DLG2: variants seen among roughly 807,000 people sequenced by gnomAD.
The protein encoded by DLG2 is discs large MAGUK scaffold protein 2, also known as disks large homolog 2.
In DLG2, 45 loss-of-function variants were observed where a neutral mutation model predicts 132.5. The ratio of observed to expected loss-of-function variants is 0.34; its 90% CI spans 0.27 to 0.44. The LOEUF (loss-of-function observed/expected upper bound fraction) is 0.44, where lower values mean the gene tolerates loss of function less well. Ranked by LOEUF, DLG2 falls within the 20% of genes least tolerant of loss-of-function variation. The pLI is 1.00. For missense variants in DLG2, 1,045 were observed against 1,196.9 expected (o/e 0.87, Z 1.87); for synonymous variants, 424 against 419.6 (o/e 1.01, Z -0.13).
Position 85,605,561 on chromosome 11 carries a change from A to G in DLG2, c.-92-6773T>C, listed in dbSNP as rs149476191. 1.6e-4 allele frequency among the ~76,000 whole-genome samples: 24 copies of G among 152,362 alleles called. No individual in the cohort carries two copies. The East Asian group carries it at 3.1e-3, about 20-fold the overall frequency. On this transcript the variant is annotated intron_variant, in intron 2 of 27. Transcript: ENST00000376104. Reference sequence around the variant, plus strand: ...ATTTATTGACTATCTTACTATATCCAGACACTGGGAACACAGTACTGAACA... The same window carrying G: ...ATTTATTGACTATCTTACTATATCCGGACACTGGGAACACAGTACTGAACA...
intron 4 of DLG2, among the ~76,000 whole-genome samples, chr11:85,164,208 T>C (rs1386609238): frequency 1.3e-5 from 2 of 152,104 alleles, no homozygotes; most frequent in Non-Finnish European, 2.9e-5. Context: ...TATATAAATA[T>C]AAATTTCCTA....
At chr11:84,980,903 T>C (rs2055640062) in intron 6 of DLG2, among the ~76,000 whole-genome samples, 1 of 152,206 alleles carries the variant, frequency 6.6e-6, no homozygotes, top group Admixed American at 6.5e-5. Flanking sequence ...CTCTCCTGGC[T>C]TGGCCTGTTG....
rs561820540 is a variant in DLG2, at chr11:83,965,781, C to A, written c.1057-313G>T. Among the ~76,000 whole-genome samples the A allele has an allele frequency of 2.4e-3, 358 of 151,876 alleles. 2 individuals carry two copies. Among genetic ancestry groups the A allele is most frequent in the African/African-American group, 8.1e-3 (336 of 41,488 alleles). ...TATAGTTTCTATGATAGAAAAGTAA[C>A]ACATATTAGTGGAAGAAAACTTAAA... On this transcript the variant is annotated intron_variant, in intron 12 of 27. Transcript: ENST00000376104.
chr11:83,463,648 G>C (rs1210229774), intron 26 of DLG2, among the ~76,000 whole-genome samples: 1 of 152,114 alleles, frequency 6.6e-6, no homozygotes, highest in East Asian at 1.9e-4. Context: ...AACATTAGCT[G>C]GGTATGGTGG....
rs188412938 is a variant in DLG2, at chr11:85,610,519, C to T, written c.-92-11731G>A. The stretch of plus-strand genomic sequence containing the variant: ...GACCACACATCCCAACTTACACAGA[C>T]GATCTTGCCCCACGGGTTTAGGGAT... On this transcript the variant is annotated intron_variant, in intron 2 of 27. Transcript: ENST00000376104. Among the ~76,000 whole-genome samples, 48 of 152,320 alleles carry T rather than the reference C, an allele frequency of 3.2e-4. No homozygotes were observed. In the South Asian group the frequency reaches 4.6e-3, roughly 14 times the overall value.
intron 3 of DLG2, among the ~76,000 whole-genome samples, chr11:85,433,683 C>G (rs950500820): frequency 4.6e-5 from 7 of 152,132 alleles, no homozygotes; most frequent in Admixed American, 3.9e-4. Context: ...TCTTACAGAC[C>G]TACAAAGAGA....
At chr11:85,375,419 G>A (rs569800333) in intron 3 of DLG2, among the ~76,000 whole-genome samples, 68 of 152,204 alleles carry the variant, frequency 4.5e-4, no homozygotes, top group African/African-American at 1.5e-3. Flanking sequence ...GGTGGCTCAC[G>A]CCTAACCCCA....
At chr11:85,421,397 T>C (rs890343256) in intron 3 of DLG2, among the ~76,000 whole-genome samples, 12 of 151,922 alleles carry the variant, frequency 7.9e-5, no homozygotes, top group African/African-American at 2.4e-5. Flanking sequence ...TTCGGCCATC[T>C]TACCAGCCAT....
rs530617886 is a variant in DLG2 at position 84,224,600 on chromosome 11, G to A, written c.573+26638C>T. 2.2e-3 allele frequency among the ~76,000 whole-genome samples: 341 copies of A among 152,232 alleles called. 2 individuals are homozygous for A. Among genetic ancestry groups the A allele is most frequent in the Middle Eastern group, 6.8e-3 (2 of 294 alleles). ...TAACTGATGTCATTCTTAATCCTATGTGATAGATATTATTATTACCCCCAA... is the reference window on the plus strand; with the variant it reads ...TAACTGATGTCATTCTTAATCCTATATGATAGATATTATTATTACCCCCAA... On this transcript the variant is annotated intron_variant, in intron 8 of 27. Coordinates refer to ENST00000376104, the MANE Select transcript of DLG2 (RefSeq NM_001142699.3).
chr11:83,867,504 T>C (rs2062619521), intron 16 of DLG2, among the ~76,000 whole-genome samples: 1 of 152,198 alleles, frequency 6.6e-6, no homozygotes, highest in African/African-American at 2.4e-5. Flanking sequence ...TATGTTTATT[T>C]TTCTTCATTT....
chr11:84,547,673 C>T (rs2099392932), intron 6 of DLG2, among the ~76,000 whole-genome samples: 1 of 152,142 alleles, frequency 6.6e-6, no homozygotes, highest in African/African-American at 2.4e-5. Flanking sequence ...TTTGGCTAAG[C>T]ATTCTTATTC....
chr11:84,032,807 TAAGTGG>T (rs2095741835), intron 11 of DLG2, among the ~76,000 whole-genome samples: 1 of 152,156 alleles, frequency 6.6e-6, no homozygotes, highest in Non-Finnish European at 1.5e-5. Flanking sequence ...CTGGTGACTT[TAAGTGG>T]AAGCCAATGC....
chr11:85,471,382 A>T (rs1201131570), intron 3 of DLG2, among the ~76,000 whole-genome samples: 3 of 152,156 alleles, frequency 2.0e-5, no homozygotes, highest in African/African-American at 7.2e-5. Flanking sequence ...CCGACCTATC[A>T]AATGGAAGGA....
chr11:84,287,623 A>G (rs1342742490), intron 7 of DLG2, among the ~76,000 whole-genome samples: 1 of 151,658 alleles, frequency 6.6e-6, no homozygotes, highest in Non-Finnish European at 1.5e-5. Context: ...GTGTTGCGTA[A>G]GTCTCTGTTT....
intron 6 of DLG2, among the ~76,000 whole-genome samples, chr11:85,055,678 A>G (rs998931355): frequency 6.6e-6 from 1 of 152,216 alleles, no homozygotes; most frequent in South Asian, 2.1e-4. Context: ...TCTCAAAGCA[A>G]TAGTCAATTC....
At chr11:85,078,120 A>T (rs935127925) in intron 6 of DLG2, among the ~76,000 whole-genome samples, 1 of 151,290 alleles carries the variant, frequency 6.6e-6, no homozygotes, top group African/African-American at 2.4e-5. Context: ...ATAGTAAAAA[A>T]CCGTGCAAAA....
intron 6 of DLG2, among the ~76,000 whole-genome samples, chr11:84,801,429 G>C (rs1248764550): frequency 6.6e-6 from 1 of 152,172 alleles, no homozygotes. Flanking sequence ...AAACTAGCCG[G>C]GTGTGGTGGC....
chr11:84,413,099 G>C (rs748720335), intron 7 of DLG2, among the ~76,000 whole-genome samples: 1 of 152,154 alleles, frequency 6.6e-6, no homozygotes, highest in Non-Finnish European at 1.5e-5. Flanking sequence ...GAATGACCTA[G>C]TTAGGCTCAT....
chr11:83,585,632 C>G (rs902461033), intron 19 of DLG2, among the ~76,000 whole-genome samples: 1 of 152,174 alleles, frequency 6.6e-6, no homozygotes, highest in Non-Finnish European at 1.5e-5. Context: ...ACATGAACAA[C>G]ATTTGGATAT....
Sources: allele counts gnomAD v4.1 joint callset (sites outside exome capture counted in the v4.1 genomes callset), GRCh38; gene constraint gnomAD v4.1.1; transcripts MANE v1.5; gene names NCBI Gene and HGNC (gene_info 2026-07-23, HGNC 2026-07-21).